Variants in PDK1 observed in about 807,000 individuals in gnomAD.
PDK1 encodes pyruvate dehydrogenase kinase 1, also known as [Pyruvate dehydrogenase (acetyl-transferring)] kinase isozyme 1, mitochondrial.
Under a neutral mutation model 54.2 loss-of-function variants are expected in PDK1, and 39 were observed. The observed-to-expected ratio is 0.72, with a 90% CI of 0.56 to 0.94. PDK1 has a LOEUF of 0.94. PDK1 is among the 40% of genes least tolerant of loss of function. The pLI is 0.00. For missense variants in PDK1, 552 were observed against 566.0 expected, an observed-to-expected ratio of 0.98 and a Z score of 0.25; for synonymous variants, 221 against 207.1, an observed-to-expected ratio of 1.07 and a Z score of -0.58.
the PDK1 span, among the ~76,000 whole-genome samples, chr2:172,645,259 G>GTTTT: frequency 1.0e-4 from 4 of 38,732 alleles, no homozygotes; most frequent in Non-Finnish European, 1.9e-4. Context: ...TACAAAATAG[G>GTTTT]CTTTTTTTTT....
chr2:172,670,725 G>T, the PDK1 span, among the ~76,000 whole-genome samples: 2 of 152,104 alleles, frequency 1.3e-5, no homozygotes, highest in African/African-American at 4.8e-5. Context: ...CGGTTCACTT[G>T]GTTATAAAAG....
the PDK1 span, among the ~76,000 whole-genome samples, chr2:172,649,130 G>A: frequency 6.6e-6 from 1 of 152,164 alleles, no homozygotes; most frequent in Non-Finnish European, 1.5e-5. Flanking sequence ...CCTCTGAGAC[G>A]AAGCTTCCAG....
At chr2:172,677,027 T>A in the PDK1 span, 1 of 152,218 alleles carries the variant, frequency 6.6e-6, no homozygotes, top group East Asian at 1.9e-4. Flanking sequence ...TATTTTAAAA[T>A]TAAGATACGT....
chr2:172,695,921 C>T, the PDK1 span, among the ~76,000 whole-genome samples: 1 of 152,122 alleles, frequency 6.6e-6, no homozygotes, highest in South Asian at 2.1e-4. Flanking sequence ...GCCTGTAATC[C>T]CAGCACTTTG....
chr2:172,581,842 C>T (rs1689926604), intron 8 of PDK1, among the ~76,000 whole-genome samples: 1 of 152,168 alleles, frequency 6.6e-6, no homozygotes, highest in Admixed American at 6.5e-5. Context: ...GCCCTAGCTG[C>T]TCTTTCAATT....
At chr2:172,674,761 A>G in the PDK1 span, 3 of 150,432 alleles carry the variant, frequency 2.0e-5, no homozygotes. Context: ...CTGAACGCCT[A>G]GAATGGAGCT....
chr2:172,622,882 A>T, the PDK1 span, among the ~76,000 whole-genome samples: 1 of 148,070 alleles, frequency 6.8e-6, no homozygotes, highest in Non-Finnish European at 1.5e-5. Flanking sequence ...ATATATGTTT[A>T]CATATTATAT....
the PDK1 span, among the ~76,000 whole-genome samples, chr2:172,700,892 A>C: frequency 6.6e-6 from 1 of 152,112 alleles, no homozygotes; most frequent in Non-Finnish European, 1.5e-5. Flanking sequence ...AATCCCAGGC[A>C]CTCCGCATGC....
chr2:172,570,933 G>A (rs1467387830), intron 8 of PDK1, 109 bp downstream of exon 8: 2 of 563,994 alleles, frequency 3.5e-6, no homozygotes. Context: ...CTACTCTCAG[G>A]GGAAAAGAAT....
At chr2:172,649,285 G>C in the PDK1 span, among the ~76,000 whole-genome samples, 1 of 152,130 alleles carries the variant, frequency 6.6e-6, no homozygotes, top group Admixed American at 6.5e-5. Flanking sequence ...ACTGTTAGAA[G>C]GAAAACTAAC....
At chr2:172,694,565 G>T in the PDK1 span, among the ~76,000 whole-genome samples, 1 of 152,124 alleles carries the variant, frequency 6.6e-6, no homozygotes, top group South Asian at 2.1e-4. Context: ...TGCTAGTTTG[G>T]TGAATTGGTG....
chr2:172,668,513 T>G, the PDK1 span, among the ~76,000 whole-genome samples: 12 of 151,660 alleles, frequency 7.9e-5, no homozygotes, highest in Admixed American at 1.3e-4. Context: ...TCTTGCTGCT[T>G]AGCTATGGAT....
At chr2:172,714,148 G>A in the PDK1 span, among the ~76,000 whole-genome samples, 1 of 152,284 alleles carries the variant, frequency 6.6e-6, no homozygotes, top group African/African-American at 2.4e-5. Context: ...GAAAAACAAT[G>A]TGCCTTCTCA....
chr2:172,649,909 A>G, the PDK1 span, among the ~76,000 whole-genome samples: 1 of 152,176 alleles, frequency 6.6e-6, no homozygotes, highest in Non-Finnish European at 1.5e-5. Context: ...GTTGGAAAAC[A>G]CTCTTCAGGA....
chr2:172,582,622 A>G (rs1689974879), intron 8 of PDK1, among the ~76,000 whole-genome samples: 1 of 152,210 alleles, frequency 6.6e-6, no homozygotes, highest in African/African-American at 2.4e-5. Flanking sequence ...TACATTTGTC[A>G]TCAAAGGTAC....
rs1690931097 is a variant in PDK1 at position 172,597,031 on chromosome 2, C to T, written c.*1062C>T. The T allele has an allele frequency of 6.6e-6, 1 of 152,024 alleles. No individual in the cohort carries two copies. The highest frequency in any genetic ancestry group is 2.1e-4 in the South Asian group (1 of 4,832). The allele number at this position is 152,024 out of a possible 1,614,324, so 9.4% of individuals were successfully genotyped here. ...ATCCCACACCTGGTGCAATTAGAAGCATAATTAGAAGCAGAAGAACAAAAT... is the reference window on the plus strand; with the variant it reads ...ATCCCACACCTGGTGCAATTAGAAGTATAATTAGAAGCAGAAGAACAAAAT... On this transcript the variant is annotated 3_prime_UTR_variant, in exon 11 of 11. Coordinates refer to ENST00000282077, the MANE Select transcript of PDK1 (RefSeq NM_002610.5).
the PDK1 span, among the ~76,000 whole-genome samples, chr2:172,615,749 A>C: frequency 6.6e-6 from 1 of 152,256 alleles, no homozygotes; most frequent in South Asian, 2.1e-4. Context: ...TATGCAAAAG[A>C]ATCAGTTATT....
At chr2:172,712,720 T>C in the PDK1 span, among the ~76,000 whole-genome samples, 2 of 152,234 alleles carry the variant, frequency 1.3e-5, no homozygotes, top group African/African-American at 4.8e-5. Flanking sequence ...CTCCTAGATC[T>C]GGGCTTCCCA....
At chr2:172,578,199 T>C (rs1689681394) in intron 8 of PDK1, among the ~76,000 whole-genome samples, 1 of 152,222 alleles carries the variant, frequency 6.6e-6, no homozygotes, top group Non-Finnish European at 1.5e-5. Flanking sequence ...TGTTACAATC[T>C]TATTGAATAT....
Sources: allele counts gnomAD v4.1 joint callset (sites outside exome capture counted in the v4.1 genomes callset), GRCh38; gene constraint gnomAD v4.1.1; transcripts MANE v1.5; gene names NCBI Gene and HGNC (gene_info 2026-07-23, HGNC 2026-07-21).